ADAMTS2: variants seen among roughly 807,000 people sequenced by gnomAD.
ADAMTS2 encodes ADAM metallopeptidase with thrombospondin type 1 motif 2, also known as A disintegrin and metalloproteinase with thrombospondin motifs 2.
A neutral mutation model predicts 123.0 loss-of-function variants in ADAMTS2; 50 were observed. The ratio of observed to expected loss-of-function variants is 0.41; its 90% CI spans 0.32 to 0.51. The LOEUF (loss-of-function observed/expected upper bound fraction) is 0.51, where lower values mean the gene tolerates loss of function less well. Ranked by LOEUF, ADAMTS2 falls within the 20% of genes least tolerant of loss-of-function variation. The pLI is 0.35. For synonymous variants in ADAMTS2, 678 were observed against 695.4 expected, an observed-to-expected ratio of 0.98 and a Z score of 0.39; for missense variants, 1,494 against 1,705.2, an observed-to-expected ratio of 0.88 and a Z score of 2.18.
At chr5:179,233,031 C>T (rs1340042694) in intron 3 of ADAMTS2, among the ~76,000 whole-genome samples, 2 of 152,172 alleles carry the variant, frequency 1.3e-5, no homozygotes, top group African/African-American at 4.8e-5. Context: ...ACCCTTCAAA[C>T]TCAAGTGAAA....
rs1440171966 is a variant in ADAMTS2 at position 179,137,330 on chromosome 5, T to C, written c.1951+439A>G. On this transcript the variant is annotated intron_variant, in intron 12 of 21. Coordinates refer to ENST00000251582, the MANE Select transcript of ADAMTS2 (RefSeq NM_014244.5). Reference sequence around the variant, plus strand: ...GGTCCCTGAGCCAATAAATGCCTTCTAGTGCTGAAACCGGTTGGAGTCAAC... The same window carrying C: ...GGTCCCTGAGCCAATAAATGCCTTCCAGTGCTGAAACCGGTTGGAGTCAAC... 5.3e-5 allele frequency among the ~76,000 whole-genome samples: 8 copies of C among 152,264 alleles called. No individual in the cohort carries two copies. In the South Asian group the frequency reaches 8.3e-4, roughly 16 times the overall value.
At chr5:179,136,189 A>T in intron 12 of ADAMTS2, 147 bp from the exon 13 acceptor site, 1 of 1,139,758 alleles carries the variant, frequency 8.8e-7, no homozygotes, top group Non-Finnish European at 1.3e-6. Context: ...GGGGTGGGTG[A>T]CAGCAGCCCC....
chr5:179,176,578 GTCC>G (rs1763934707), intron 5 of ADAMTS2, among the ~76,000 whole-genome samples: 1 of 152,094 alleles, frequency 6.6e-6, no homozygotes, highest in Admixed American at 6.5e-5. Flanking sequence ...GGCCTCCTCT[GTCC>G]TCCTGTCTGT....
intron 3 of ADAMTS2, among the ~76,000 whole-genome samples, chr5:179,254,347 G>C (rs1765995166): frequency 6.6e-6 from 1 of 152,128 alleles, no homozygotes; most frequent in African/African-American, 2.4e-5. Flanking sequence ...CAAATCCAAA[G>C]ACACAGGGAG....
intron 2 of ADAMTS2, among the ~76,000 whole-genome samples, chr5:179,315,714 A>T (rs1756972577): frequency 6.6e-6 from 1 of 152,226 alleles, no homozygotes; most frequent in Admixed American, 6.5e-5. Flanking sequence ...GGCCACAGGA[A>T]CTGGCCGCCC....
intron 2 of ADAMTS2, among the ~76,000 whole-genome samples, chr5:179,305,494 T>C (rs754102840): frequency 1.3e-5 from 2 of 152,190 alleles, no homozygotes; most frequent in Non-Finnish European, 2.9e-5. Flanking sequence ...AGGTTTATTA[T>C]AATCCCTGGA....
chr5:179,214,914 G>A (rs1483076379), intron 3 of ADAMTS2, among the ~76,000 whole-genome samples: 1 of 152,052 alleles, frequency 6.6e-6, no homozygotes, highest in Non-Finnish European at 1.5e-5. Flanking sequence ...TCGAATAATT[G>A]TTAAAATAAT....
intron 5 of ADAMTS2, among the ~76,000 whole-genome samples, chr5:179,161,506 GAA>G (rs1317671565): frequency 6.6e-6 from 1 of 152,216 alleles, no homozygotes; most frequent in Non-Finnish European, 1.5e-5. Context: ...TGATGTCACA[GAA>G]ATAGAGAGTA....
intron 4 of ADAMTS2, among the ~76,000 whole-genome samples, chr5:179,201,396 G>A (rs1318492187): frequency 2.0e-5 from 3 of 152,154 alleles, no homozygotes; most frequent in Admixed American, 6.5e-5. Flanking sequence ...CAGTCATATG[G>A]TGCGATGTTA....
chr5:179,218,021 G>A (rs1485156326), intron 3 of ADAMTS2, among the ~76,000 whole-genome samples: 1 of 152,216 alleles, frequency 6.6e-6, no homozygotes, highest in African/African-American at 2.4e-5. Context: ...CAGTGCTTAG[G>A]AGTCCCCAAA....
chr5:179,257,498 G>C (rs74490385), intron 3 of ADAMTS2, among the ~76,000 whole-genome samples: 7,967 of 152,206 alleles, frequency 0.052, 222 homozygotes, highest in Middle Eastern at 0.078. Flanking sequence ...CCGGCGCCAC[G>C]CCTGCTCCCT....
At chr5:179,183,030 T>C (rs1160305918) in intron 4 of ADAMTS2, among the ~76,000 whole-genome samples, 1 of 152,210 alleles carries the variant, frequency 6.6e-6, no homozygotes, top group African/African-American at 2.4e-5. Context: ...GAAACCGTCA[T>C]GCAGGTGCAA....
At chr5:179,210,339 G>A (rs1396437) in intron 3 of ADAMTS2, among the ~76,000 whole-genome samples, 3,304 of 152,334 alleles carry the variant, frequency 0.022, 101 homozygotes, top group African/African-American at 0.071. Flanking sequence ...GCTGGGGCAC[G>A]TCTTGAGGCT....
At chr5:179,337,823 C>T (rs924976660) in intron 2 of ADAMTS2, among the ~76,000 whole-genome samples, 2 of 149,986 alleles carry the variant, frequency 1.3e-5, no homozygotes, top group African/African-American at 4.9e-5. Context: ...TCACAGCAGG[C>T]CTGGGTGAGG....
intron 3 of ADAMTS2, among the ~76,000 whole-genome samples, chr5:179,269,230 T>C (rs1258411164): frequency 6.6e-6 from 1 of 152,210 alleles, no homozygotes; most frequent in African/African-American, 2.4e-5. Context: ...AGCACAGCCC[T>C]GTCCACCCTT....
chr5:179,194,496 A>G (rs1405390322), intron 4 of ADAMTS2, among the ~76,000 whole-genome samples: 2 of 152,216 alleles, frequency 1.3e-5, no homozygotes, highest in Non-Finnish European at 2.9e-5. Context: ...GGCAGAGCGG[A>G]TGGCCTGCGG....
At chr5:179,324,954 G>A (rs1757275889) in intron 2 of ADAMTS2, among the ~76,000 whole-genome samples, 1 of 152,180 alleles carries the variant, frequency 6.6e-6, no homozygotes, top group Non-Finnish European at 1.5e-5. Context: ...CTCTGCTAAT[G>A]CAAAGCCCAT....
intron 10 of ADAMTS2, among the ~76,000 whole-genome samples, chr5:179,147,196 C>T (rs1224356896): frequency 2.0e-5 from 3 of 152,226 alleles, no homozygotes; most frequent in Non-Finnish European, 4.4e-5. Context: ...TCAAGTGATT[C>T]TCCTGCCTCA....
intron 10 of ADAMTS2, among the ~76,000 whole-genome samples, chr5:179,148,526 T>C (rs953823348): frequency 2.0e-5 from 3 of 152,120 alleles, no homozygotes; most frequent in African/African-American, 7.2e-5. Context: ...CCCTGTGCAG[T>C]GCCTCACTCT....
Sources: allele counts gnomAD v4.1 joint callset (sites outside exome capture counted in the v4.1 genomes callset), GRCh38; gene constraint gnomAD v4.1.1; transcripts MANE v1.5; gene names NCBI Gene and HGNC (gene_info 2026-07-23, HGNC 2026-07-21).